Variants in RUNX2 observed in about 807,000 individuals in gnomAD.
RUNX2 encodes runt-related transcription factor 2.
RUNX2 carries 10 observed loss-of-function variants against 51.7 expected under a neutral mutation model. The ratio of observed to expected loss-of-function variants is 0.19; its 90% CI spans 0.12 to 0.33. The LOEUF (loss-of-function observed/expected upper bound fraction) is 0.33. RUNX2 is among the 10% of genes least tolerant of loss of function. The pLI is 1.00. For missense variants in RUNX2, 562 were observed against 691.3 expected (o/e 0.81, Z 2.10); for synonymous variants, 276 against 273.6 (o/e 1.01, Z -0.09).
chr6:45,365,353 A>G (rs770513582), intron 2 of RUNX2: 3 of 1,208,678 alleles, frequency 2.5e-6, no homozygotes, highest in South Asian at 2.7e-5. Flanking sequence ...CTATAAGTAA[A>G]TGCAAAAAAA....
At chr6:45,398,289 C>T (rs536596438) in intron 2 of RUNX2, among the ~76,000 whole-genome samples, 1 of 152,284 alleles carries the variant, frequency 6.6e-6, no homozygotes, top group African/African-American at 2.4e-5. Context: ...TCTTCACACA[C>T]TGCCTGATCA....
At chr6:45,462,886 G>T (rs1301177879) in intron 5 of RUNX2, among the ~76,000 whole-genome samples, 2 of 152,224 alleles carry the variant, frequency 1.3e-5, no homozygotes, top group Non-Finnish European at 2.9e-5. Context: ...GAGTCGTAGT[G>T]TAGTATTGTC....
chr6:45,410,592 C>T (rs915707966), intron 2 of RUNX2, among the ~76,000 whole-genome samples: 4 of 152,094 alleles, frequency 2.6e-5, no homozygotes, highest in South Asian at 2.1e-4. Flanking sequence ...ACACTATTCA[C>T]GTGGTATATA....
chr6:45,441,985 A>G (rs1309708579), intron 5 of RUNX2, among the ~76,000 whole-genome samples: 1 of 152,184 alleles, frequency 6.6e-6, no homozygotes, highest in African/African-American at 2.4e-5. Flanking sequence ...TTCTTAATAT[A>G]CACATCTGGC....
At chr6:45,504,501 G>T (rs898096701) in intron 6 of RUNX2, among the ~76,000 whole-genome samples, 5 of 152,170 alleles carry the variant, frequency 3.3e-5, no homozygotes, top group African/African-American at 1.2e-4. Flanking sequence ...CCATTTGTTT[G>T]TAAACAGTTT....
intron 5 of RUNX2, among the ~76,000 whole-genome samples, chr6:45,477,008 GGA>G (rs1799973436): frequency 6.6e-6 from 1 of 152,128 alleles, no homozygotes; most frequent in Admixed American, 6.5e-5. Flanking sequence ...AATGAATGAA[GGA>G]GAGTTATCCT....
intron 6 of RUNX2, among the ~76,000 whole-genome samples, chr6:45,504,443 T>G (rs537989005): frequency 9.2e-5 from 14 of 152,300 alleles, no homozygotes; most frequent in Non-Finnish European, 1.9e-4. Context: ...GCCTGCACAG[T>G]TAGTGCCAGA....
At chr6:45,443,965 C>T (rs1798915630) in intron 5 of RUNX2, among the ~76,000 whole-genome samples, 1 of 152,092 alleles carries the variant, frequency 6.6e-6, no homozygotes, top group East Asian at 1.9e-4. Context: ...ATTACCCTGC[C>T]TCAGCCTCCC....
rs554919075 is a variant in RUNX2 at position 45,472,298 on chromosome 6, G to A, written c.686-19643G>A. 2.0e-5 allele frequency among the ~76,000 whole-genome samples: 3 copies of A among 152,248 alleles called. No individual in the cohort carries two copies. The South Asian group carries it at 6.2e-4, about 32-fold the overall frequency. On this transcript the variant is annotated intron_variant, in intron 5 of 8. Coordinates refer to ENST00000647337, the MANE Select transcript of RUNX2 (RefSeq NM_001024630.4). ...CAATAAGTAAGCAGACATCAGAAAC[G>A]GATAGCAAAAGTGAGAAACAAAATT... is the stretch of plus-strand genomic sequence containing the variant.
chr6:45,545,202 C>A lies in RUNX2; in HGVS notation c.1022-15C>A, dbSNP rs1329382602. 1.3e-6 allele frequency: 2 copies of A among 1,534,388 alleles called. No homozygotes were observed. Among genetic ancestry groups the A allele is most frequent in the Non-Finnish European group, 8.8e-7 (1 of 1,135,032 alleles). On this transcript the variant is annotated splice_polypyrimidine_tract_variant and intron_variant, in intron 7 of 8. Coordinates refer to ENST00000647337, the MANE Select transcript of RUNX2 (RefSeq NM_001024630.4). The stretch of plus-strand genomic sequence containing the variant: ...GCTGGAAGGGAACTTAGAGCTCATC[C>A]CCCTCATTTTACAGATGATGACACT...
At chr6:45,425,925 A>T (rs1438437196) in intron 3 of RUNX2, among the ~76,000 whole-genome samples, 2 of 152,108 alleles carry the variant, frequency 1.3e-5, no homozygotes, top group Non-Finnish European at 2.9e-5. Context: ...ATTTGTTGTG[A>T]AGTCTGATAT....
At chr6:45,397,838 T>A (rs1797615462) in intron 2 of RUNX2, among the ~76,000 whole-genome samples, 1 of 152,236 alleles carries the variant, frequency 6.6e-6, no homozygotes, top group African/African-American at 2.4e-5. Flanking sequence ...TAATCATTTT[T>A]AAACTTATAA....
chr6:45,431,088 T>C (rs138058086), intron 3 of RUNX2, among the ~76,000 whole-genome samples: 2 of 152,346 alleles, frequency 1.3e-5, no homozygotes, highest in East Asian at 3.9e-4. Context: ...AGATCTTTTC[T>C]TGATTGAGTT....
chr6:45,478,542 A>G (rs1335370815), intron 5 of RUNX2, among the ~76,000 whole-genome samples: 2 of 152,210 alleles, frequency 1.3e-5, no homozygotes, highest in Non-Finnish European at 2.9e-5. Flanking sequence ...TGCTCCTTGT[A>G]TAGTCAGGCC....
At chr6:45,519,405 A>G (rs1404567595) in intron 7 of RUNX2, among the ~76,000 whole-genome samples, 1 of 152,202 alleles carries the variant, frequency 6.6e-6, no homozygotes, top group Non-Finnish European at 1.5e-5. Flanking sequence ...AATAACGTCC[A>G]TAGTTTACAC....
At chr6:45,444,017 AT>A (rs1330298266) in intron 5 of RUNX2, among the ~76,000 whole-genome samples, 1 of 152,060 alleles carries the variant, frequency 6.6e-6, no homozygotes, top group Non-Finnish European at 1.5e-5. Context: ...TGCCTGGCTA[AT>A]TTTTATATTT....
At position 45,334,866 on chromosome 6, in the gene RUNX2, A is replaced by C. The variant is rs2150102778; in HGVS notation, c.58+6082A>C. On this transcript the variant is annotated intron_variant, in intron 2 of 8. Coordinates refer to ENST00000647337, the MANE Select transcript of RUNX2 (RefSeq NM_001024630.4). ...ACAAATGTCAATCTATAAAACCAGT[A>C]ACAGGGATTAGGCATCTACTAGGAA... Among the ~76,000 whole-genome samples the C allele has an allele frequency of 1.3e-5, 2 of 151,408 alleles. 1 individual carries two copies. The highest frequency in any genetic ancestry group is 3.0e-5 in the Non-Finnish European group (2 of 67,368).
chr6:45,330,709 G>C (rs1157380500), intron 2 of RUNX2, among the ~76,000 whole-genome samples: 1 of 151,780 alleles, frequency 6.6e-6, no homozygotes, highest in African/African-American at 2.4e-5. Flanking sequence ...AGCAAGGCAT[G>C]GTAGTGAACC....
intron 5 of RUNX2, among the ~76,000 whole-genome samples, chr6:45,476,352 G>T (rs1799956240): frequency 6.6e-6 from 1 of 152,130 alleles, no homozygotes; most frequent in Admixed American, 6.6e-5. Flanking sequence ...GAAGGACCTT[G>T]CTCAGAAGAT....
Sources: gnomAD v4.1 joint callset for allele counts (sites outside exome capture counted in the v4.1 genomes callset) on GRCh38, gnomAD v4.1.1 for gene constraint, MANE v1.5 for transcripts, NCBI Gene and HGNC (gene_info 2026-07-23, HGNC 2026-07-21) for gene names.